Variants in OR4D1 observed in about 807,000 individuals in gnomAD.
OR4D1 encodes olfactory receptor family 4 subfamily D member 1, also known as olfactory receptor 4D1.
In OR4D1, 10 loss-of-function variants were observed where a neutral mutation model predicts 14.2. The observed-to-expected ratio is 0.71, with a 90% CI of 0.44 to 1.20. The LOEUF (loss-of-function observed/expected upper bound fraction) is 1.20. OR4D1 is among the 50% of genes most tolerant of loss of function. The pLI is 0.00. For missense variants in OR4D1, 345 were observed against 376.6 expected (o/e 0.92, Z 0.70); for synonymous variants, 141 against 147.4 (o/e 0.96, Z 0.32).
Position 58,155,676 on chromosome 17 carries a change from G to A in OR4D1, c.523G>A (p.Asp175Asn). Residue 175 changes from aspartate (D) to asparagine (N), a missense_variant, in exon 4 of 4, where the codon GAT (aspartate) becomes AAT (asparagine). Coordinates refer to ENST00000268912, the MANE Select transcript of OR4D1 (RefSeq NM_001386095.1). ...GCCCTTCTGTGGCCCCAATATCCTA[G>A]ATAACTTCTACTGTGATGTTCCCCA... ...PLPFCGPNIL[D>N]NFYCDVPQVL... The A allele has an allele frequency of 1.9e-6, 3 of 1,614,088 alleles. No homozygotes were observed. Among genetic ancestry groups the A allele is most frequent in the Admixed American group, 1.7e-5 (1 of 60,016 alleles).
intron 2 of OR4D1, among the ~76,000 whole-genome samples, chr17:58,151,342 G>C (rs1967700630): frequency 6.6e-6 from 1 of 152,100 alleles, no homozygotes; most frequent in Non-Finnish European, 1.5e-5. Flanking sequence ...ATGGTGGTTT[G>C]CTGCACAGGT....
Position 58,155,744 on chromosome 17 carries a change from C to T in OR4D1, c.591C>T (p.Phe197=), listed in dbSNP as rs1967761969. The T allele has an allele frequency of 5.0e-6, 8 of 1,614,020 alleles. No individual in the cohort carries two copies. In the African/African-American group the frequency reaches 5.3e-5, roughly 11 times the overall value. The change falls in exon 4 of 4, where the codon TTC becomes TTT. Residue 197 remains phenylalanine (F), a synonymous_variant. Transcript: ENST00000268912. ...LACTDTSLLE[F]LMISNSGLLV... ...GCACTGATACCTCCCTCCTGGAGTT[C>T]CTCATGATCTCCAACAGTGGGCTGC...
chr17:58,157,567 G>C lies in OR4D1; in HGVS notation c.*1481G>C. 1 of 1,585,960 alleles carries C rather than the reference G, an allele frequency of 6.3e-7. No homozygotes were observed. The highest frequency in any genetic ancestry group is 8.7e-7 in the Non-Finnish European group (1 of 1,154,682). On this transcript the variant is annotated 3_prime_UTR_variant, in exon 4 of 4. Coordinates refer to ENST00000268912, the MANE Select transcript of OR4D1 (RefSeq NM_001386095.1). ...TCACGGAGACTCAGGTCAAAATCTT[G>C]TTCCAGAACCGAAGGGCCAAGACGA...
At position 58,155,225 on chromosome 17, in the gene OR4D1, G is replaced by C; in HGVS notation, c.72G>C (p.Gln24His). 3.1e-6 allele frequency: 5 copies of C among 1,614,174 alleles called. No homozygotes were observed. Among genetic ancestry groups the C allele is most frequent in the Non-Finnish European group, 4.2e-6 (5 of 1,180,020 alleles). The change falls in exon 4 of 4, where the codon CAG becomes CAC. Residue 24 changes from glutamine (Q) to histidine (H), a missense_variant. By Grantham distance (24) the Gln-to-His change is conservative (BLOSUM62 0). Transcript: ENST00000268912. ...LLGFSQTQEL[Q>H]KFLFLLFLLV... ...GGTTTTCACAGACCCAAGAGCTCCA[G>C]AAATTCCTGTTCCTTCTGTTCCTGT...
At position 58,156,058 on chromosome 17, in the gene OR4D1, G is replaced by A. The variant is rs1368787033; in HGVS notation, c.905G>A (p.Gly302Asp). The A allele has an allele frequency of 1.9e-6, 3 of 1,610,764 alleles. No homozygotes were observed. Among genetic ancestry groups the A allele is most frequent in the South Asian group, 1.1e-5 (1 of 90,504 alleles). ...QDMKAAMRRL[G>D]KCLVICRE ...ATGAAAGCAGCCATGAGGAGATTAGGCAAGTGCCTAGTAATTTGCAGGGAG... is the reference window on the plus strand; with the variant it reads ...ATGAAAGCAGCCATGAGGAGATTAGACAAGTGCCTAGTAATTTGCAGGGAG... The change falls in exon 4 of 4, where the codon GGC (glycine) becomes GAC (aspartate). Residue 302 changes from glycine (G) to aspartate (D), a missense_variant. Physicochemically the swap from Gly to Asp is moderately conservative, Grantham distance 94 (BLOSUM62 -1). Coordinates refer to ENST00000268912, the MANE Select transcript of OR4D1 (RefSeq NM_001386095.1).
rs540246804 is a variant in OR4D1 at position 58,157,865 on chromosome 17, T to G, written c.*1779T>G. The G allele has an allele frequency of 8.2e-4, 1,229 of 1,504,304 alleles. No individual in the cohort carries two copies. The highest frequency in any genetic ancestry group is 1.0e-3 in the Non-Finnish European group (1,124 of 1,094,524). 93.2% of individuals were successfully genotyped at this position (1,504,304 alleles called of 1,614,324 possible). A position where few individuals can be genotyped will look rare whatever the true frequency, so the allele number is the denominator to read the frequency against. On this transcript the variant is annotated 3_prime_UTR_variant, in exon 4 of 4. Transcript: ENST00000268912. ...TGTTTCAAAGGGTTTCCTCTCCCTC[T>G]CCAAGAAGGCAGGACCAGCCAATAC...
Position 58,155,729 on chromosome 17 carries a change from C to A in OR4D1, c.576C>A (p.Thr192=). ...PQVLRLACTD[T]SLLEFLMISN... ...TACTGAGACTTGCCTGCACTGATAC[C>A]TCCCTCCTGGAGTTCCTCATGATCT... is the stretch of plus-strand genomic sequence containing the variant. Residue 192 remains threonine, a synonymous_variant, in exon 4 of 4, where the codon ACC becomes ACA. Transcript: ENST00000268912. 1 of 1,614,128 alleles carries A rather than the reference C, an allele frequency of 6.2e-7. No homozygotes were observed. The highest frequency in any genetic ancestry group is 8.5e-7 in the Non-Finnish European group (1 of 1,179,984).
rs566226480 is a variant in OR4D1 at position 58,157,452 on chromosome 17, C to T, written c.*1366C>T. ...CCGAAGCCGCGCACAGCCTTTACCA[C>T]GTCCCAGCTCCTCGCTCTGGAGGGC... On this transcript the variant is annotated 3_prime_UTR_variant, in exon 4 of 4. Transcript: ENST00000268912. The T allele has an allele frequency of 7.3e-6, 8 of 1,098,334 alleles. 1 individual carries two copies. The highest frequency in any genetic ancestry group is 5.2e-5 in the South Asian group (4 of 76,748). The allele number at this position is 1,098,334 out of a possible 1,614,324, so 68.0% of individuals were successfully genotyped here.
Position 58,155,666 on chromosome 17 carries a change from C to A in OR4D1, c.513C>A (p.Pro171=), listed in dbSNP as rs765459824. ...TACTTCCACTGCCCTTCTGTGGCCC[C>A]AATATCCTAGATAACTTCTACTGTG... ...ALILPLPFCG[P]NILDNFYCDV... The change falls in exon 4 of 4, where the codon CCC becomes CCA. Residue 171 remains proline (P), a synonymous_variant. Coordinates refer to ENST00000268912, the MANE Select transcript of OR4D1 (RefSeq NM_001386095.1). The A allele has an allele frequency of 6.2e-7, 1 of 1,614,136 alleles. No homozygotes were observed. The highest frequency in any genetic ancestry group is 8.5e-7 in the Non-Finnish European group (1 of 1,180,004).
intron 2 of OR4D1, among the ~76,000 whole-genome samples, 75 bp from the exon 3 acceptor site, chr17:58,153,782 C>A (rs1219371999): frequency 1.3e-5 from 2 of 152,138 alleles, no homozygotes; most frequent in Non-Finnish European, 2.9e-5. Flanking sequence ...ATTTTTCAAG[C>A]TAATGTCTTC....
Position 58,155,062 on chromosome 17 carries a change from C to G in OR4D1, c.-19-73C>G, listed in dbSNP as rs187305410. ...ACAACTCAACTTAATCAACTCAATC[C>G]TGACTGTCCAAGGAAAATGATTGAA... On this transcript the variant is annotated intron_variant, in intron 3 of 3. Transcript: ENST00000268912. 35 of 1,051,030 alleles carry G rather than the reference C, an allele frequency of 3.3e-5. No homozygotes were observed. In the Admixed American group the frequency reaches 7.6e-4, roughly 23 times the overall value. The allele number at this position is 1,051,030 out of a possible 1,614,324, so 65.1% of individuals were successfully genotyped here.
At chr17:58,151,192 T>C (rs1181536916) in intron 2 of OR4D1, among the ~76,000 whole-genome samples, 1 of 152,196 alleles carries the variant, frequency 6.6e-6, no homozygotes, top group African/African-American at 2.4e-5. Flanking sequence ...TTAAAACCCC[T>C]CATGGATAAT....
chr17:58,157,524 TCTC>T lies in OR4D1; in HGVS notation c.*1440_*1442del. 1 of 1,355,690 alleles carries T rather than the reference TCTC, an allele frequency of 7.4e-7. No individual in the cohort carries two copies. The highest frequency in any genetic ancestry group is 1.1e-6 in the Non-Finnish European group (1 of 945,830). 84.0% of individuals were successfully genotyped at this position (1,355,690 alleles called of 1,614,324 possible). ...CTCTCCATTGCAGAGGGTGCGGACT[TCTC>T]CAGCTCTCCGAACCTCACGGAGACT... is the stretch of plus-strand genomic sequence containing the variant. On this transcript the variant is annotated 3_prime_UTR_variant, in exon 4 of 4. Transcript: ENST00000268912.
rs1375124087 is a variant in OR4D1 at position 58,159,186 on chromosome 17, A to G, written c.*3100A>G. ...GGCATTTGCCCTTTGTTTTTGTTCC[A>G]TCTTTACTAAATACTCTTTGGATAA... On this transcript the variant is annotated 3_prime_UTR_variant, in exon 4 of 4. Coordinates refer to ENST00000268912, the MANE Select transcript of OR4D1 (RefSeq NM_001386095.1). 1 of 152,176 alleles carries G rather than the reference A, an allele frequency of 6.6e-6. No individual in the cohort carries two copies. The highest frequency in any genetic ancestry group is 2.4e-5 in the African/African-American group (1 of 41,442). The allele number at this position is 152,176 out of a possible 1,614,324, so 9.4% of individuals were successfully genotyped here. A position where few individuals can be genotyped will look rare whatever the true frequency, so the allele number is the denominator to read the frequency against.
At chr17:58,154,788 C>G (rs114029935) in intron 3 of OR4D1, among the ~76,000 whole-genome samples, 2 of 152,172 alleles carry the variant, frequency 1.3e-5, no homozygotes, top group African/African-American at 4.8e-5. Flanking sequence ...TATTTATTCA[C>G]TGATTGATTC....
At chr17:58,149,306 C>T (rs932992289) in intron 1 of OR4D1, 123 bp from the exon 2 acceptor site, 14 of 152,166 alleles carry the variant, frequency 9.2e-5, no homozygotes, top group African/African-American at 3.4e-4. Flanking sequence ...AAGAATCGGG[C>T]CATGCTAAGA....
chr17:58,150,384 C>T (rs553452229), intron 2 of OR4D1, among the ~76,000 whole-genome samples: 97 of 152,318 alleles, frequency 6.4e-4, no homozygotes, highest in African/African-American at 2.2e-3. Context: ...CAAGAACCCA[C>T]TTGGAGGCCC....
At position 58,156,146 on chromosome 17, in the gene OR4D1, A is replaced by G; in HGVS notation, c.*60A>G. ...TCTGGATTTTTATTTTCCCACATGA[A>G]AAATGGAGGAAAGTCTTTATAAAGC... On this transcript the variant is annotated 3_prime_UTR_variant, in exon 4 of 4. Coordinates refer to ENST00000268912, the MANE Select transcript of OR4D1 (RefSeq NM_001386095.1). 9.1e-7 allele frequency: 1 copy of G among 1,099,922 alleles called. No homozygotes were observed. The highest frequency in any genetic ancestry group is 1.3e-6 in the Non-Finnish European group (1 of 781,494). The allele number at this position is 1,099,922 out of a possible 1,614,324, so 68.1% of individuals were successfully genotyped here. A position where few individuals can be genotyped will look rare whatever the true frequency, so the allele number is the denominator to read the frequency against.
At chr17:58,150,386 T>C (rs1967686371) in intron 2 of OR4D1, among the ~76,000 whole-genome samples, 1 of 152,198 alleles carries the variant, frequency 6.6e-6, no homozygotes, top group South Asian at 2.1e-4. Flanking sequence ...AGAACCCACT[T>C]GGAGGCCCAC....
Sources: allele counts gnomAD v4.1 joint callset (sites outside exome capture counted in the v4.1 genomes callset), GRCh38; gene constraint gnomAD v4.1.1; transcripts MANE v1.5; gene names NCBI Gene and HGNC (gene_info 2026-07-23, HGNC 2026-07-21).